SCMH1: variants seen among roughly 807,000 people sequenced by gnomAD.
SCMH1 encodes the protein polycomb protein SCMH1.
SCMH1 carries 37 observed loss-of-function variants against 70.8 expected under a neutral mutation model. The ratio of observed to expected loss-of-function variants is 0.52; its 90% CI spans 0.40 to 0.69. SCMH1 has a LOEUF of 0.69. Among genes scored for constraint, SCMH1 ranks in the 30% least tolerant of loss-of-function variants. SCMH1 has a pLI of 0.00. For missense variants in SCMH1, 607 were observed against 827.3 expected (o/e 0.73, Z 3.27); for synonymous variants, 292 against 307.4 (o/e 0.95, Z 0.52).
At chr1:41,180,083 C>A (rs1169676020) in intron 2 of SCMH1, among the ~76,000 whole-genome samples, 3 of 152,110 alleles carry the variant, frequency 2.0e-5, no homozygotes, top group Admixed American at 2.0e-4. Context: ...TAAATGTAAT[C>A]CAGCATATAA....
chr1:41,190,325 C>G (rs757367227), intron 1 of SCMH1, among the ~76,000 whole-genome samples: 2 of 152,148 alleles, frequency 1.3e-5, no homozygotes, highest in Non-Finnish European at 2.9e-5. Context: ...GAGATTTGCT[C>G]TACTTCTTCA....
chr1:41,167,048 A>G (rs956653948), intron 2 of SCMH1, among the ~76,000 whole-genome samples: 3 of 152,120 alleles, frequency 2.0e-5, no homozygotes. Flanking sequence ...AGTTTTCATC[A>G]TGAAAGGATG....
intron 4 of SCMH1, chr1:41,159,719 C>A (rs1376307279): frequency 2.6e-6 from 4 of 1,531,596 alleles, no homozygotes; most frequent in Non-Finnish European, 2.6e-6. Flanking sequence ...TGCCAGGCAC[C>A]TTTACCTGCA....
chr1:41,055,607 C>T (rs1649971294), intron 10 of SCMH1, among the ~76,000 whole-genome samples: 1 of 152,258 alleles, frequency 6.6e-6, no homozygotes, highest in African/African-American at 2.4e-5. Flanking sequence ...GCTGCGATTA[C>T]AGGCGTGAGC....
intron 1 of SCMH1, among the ~76,000 whole-genome samples, chr1:41,237,690 A>G (rs1366749340): frequency 6.6e-6 from 1 of 152,306 alleles, no homozygotes; most frequent in African/African-American, 2.4e-5. Flanking sequence ...CCTATTTTAT[A>G]TATCTACCTA....
chr1:41,238,712 T>C (rs1232958779), intron 1 of SCMH1, among the ~76,000 whole-genome samples: 1 of 152,214 alleles, frequency 6.6e-6, no homozygotes, highest in African/African-American at 2.4e-5. Flanking sequence ...GTATTTTAGC[T>C]ACCCATACAC....
intron 1 of SCMH1, among the ~76,000 whole-genome samples, chr1:41,230,072 C>T (rs1207408718): frequency 6.6e-6 from 1 of 151,598 alleles, no homozygotes; most frequent in Non-Finnish European, 1.5e-5. Flanking sequence ...AGGTAGTCTC[C>T]ATATCATGTA....
intron 6 of SCMH1, among the ~76,000 whole-genome samples, chr1:41,135,466 C>T (rs1432696523): frequency 6.6e-6 from 1 of 152,140 alleles, no homozygotes; most frequent in East Asian, 1.9e-4. Flanking sequence ...GGGCTTCCCC[C>T]TTTGCTCAGC....
chr1:41,203,997 C>T (rs761303537), intron 1 of SCMH1, among the ~76,000 whole-genome samples: 1 of 152,164 alleles, frequency 6.6e-6, no homozygotes, highest in Non-Finnish European at 1.5e-5. Context: ...GTTAGGGTCT[C>T]CCCGACCGAG....
At chr1:41,093,662 A>G (rs1188084561) in intron 8 of SCMH1, among the ~76,000 whole-genome samples, 3 of 152,194 alleles carry the variant, frequency 2.0e-5, no homozygotes, top group Non-Finnish European at 4.4e-5. Flanking sequence ...AATATCATGC[A>G]TTGGTCATTT....
At chr1:41,209,757 A>T (rs544504713) in intron 1 of SCMH1, among the ~76,000 whole-genome samples, 1 of 152,358 alleles carries the variant, frequency 6.6e-6, no homozygotes, top group Non-Finnish European at 1.5e-5. Context: ...CACAGCCAAT[A>T]TCATACTGAA....
chr1:41,189,171 C>G (rs556342498), intron 1 of SCMH1, among the ~76,000 whole-genome samples: 1 of 152,096 alleles, frequency 6.6e-6, no homozygotes, highest in Non-Finnish European at 1.5e-5. Context: ...TGTTTTGAGA[C>G]GGAGTTTCAC....
In SCMH1 at chr1:41,231,893, G is replaced by C. The variant is rs192211214; in HGVS notation, c.-118+10166C>G. ...AAAAATTAGCCGGGTGTGGTGGTAG[G>C]CACCTGTAATCCTAGCTACTCAGGA... On this transcript the variant is annotated intron_variant, in intron 1 of 14. Coordinates refer to ENST00000337495, the Ensembl canonical transcript of SCMH1. Among the ~76,000 whole-genome samples the C allele has an allele frequency of 5.4e-3, 822 of 152,012 alleles. 5 individuals are homozygous for C. The highest frequency in any genetic ancestry group is 0.01 in the Admixed American group (160 of 15,266).
chr1:41,086,276 C>T (rs1216141608), intron 8 of SCMH1, among the ~76,000 whole-genome samples: 2 of 152,120 alleles, frequency 1.3e-5, no homozygotes, highest in African/African-American at 2.4e-5. Context: ...TAACAGAATA[C>T]GTAACTGACA....
intron 2 of SCMH1, chr1:41,162,750 G>A (rs922061839): frequency 6.6e-6 from 1 of 152,188 alleles, no homozygotes; most frequent in Admixed American, 6.5e-5. Flanking sequence ...CTGCTGAGAA[G>A]TGAGTGAACA....
At chr1:41,150,578 A>G (rs1644980006) in intron 5 of SCMH1, among the ~76,000 whole-genome samples, 1 of 152,162 alleles carries the variant, frequency 6.6e-6, no homozygotes, top group Non-Finnish European at 1.5e-5. Context: ...GTGGAAGTAT[A>G]AATTCAGTCC....
intron 8 of SCMH1, among the ~76,000 whole-genome samples, chr1:41,100,804 T>A (rs1465993664): frequency 6.6e-6 from 1 of 152,126 alleles, no homozygotes; most frequent in African/African-American, 2.4e-5. Flanking sequence ...GACCCCGTGA[T>A]CCGCCTGCCT....
intron 6 of SCMH1, among the ~76,000 whole-genome samples, chr1:41,142,288 T>C (rs1572550657): frequency 6.6e-6 from 1 of 152,228 alleles, no homozygotes; most frequent in East Asian, 1.9e-4. Flanking sequence ...GTAATAGTGA[T>C]TGACAGTAAC....
At chr1:41,207,462 A>T (rs1427230790) in intron 1 of SCMH1, among the ~76,000 whole-genome samples, 1 of 152,212 alleles carries the variant, frequency 6.6e-6, no homozygotes, top group Admixed American at 6.5e-5. Flanking sequence ...ACATAATGGT[A>T]AAGGGATCAA....
Sources: gnomAD v4.1 joint callset for allele counts (sites outside exome capture counted in the v4.1 genomes callset) on GRCh38, gnomAD v4.1.1 for gene constraint, MANE v1.5 for transcripts, NCBI Gene and HGNC (gene_info 2026-07-23, HGNC 2026-07-21) for gene names.